Variants in POU6F1 observed in about 807,000 individuals in gnomAD.
POU6F1 encodes the protein POU domain, class 6, transcription factor 1.
In POU6F1, 9 loss-of-function variants were observed where a neutral mutation model predicts 28.9. The observed-to-expected ratio is 0.31, with a 90% CI of 0.19 to 0.54. POU6F1 has a LOEUF of 0.54. POU6F1 is among the 20% of genes least tolerant of loss of function. The pLI, the probability that POU6F1 is intolerant of heterozygous loss-of-function variation, is 0.94. For missense variants in POU6F1, 338 were observed against 426.1 expected (o/e 0.79, Z 1.82); for synonymous variants, 173 against 171.1 (o/e 1.01, Z -0.09).
rs1020574200 is a variant in POU6F1 at position 51,189,006 on chromosome 12, C to T, written c.*1241G>A. The T allele has an allele frequency of 6.6e-6, 1 of 152,140 alleles. No individual in the cohort carries two copies. Among genetic ancestry groups the T allele is most frequent in the Non-Finnish European group, 1.5e-5 (1 of 68,044 alleles). 9.4% of individuals were successfully genotyped at this position (152,140 alleles called of 1,614,324 possible). On this transcript the variant is annotated 3_prime_UTR_variant, in exon 11 of 11. Transcript: ENST00000333640. Reference sequence around the variant, plus strand: ...AACCCCCAAGGTACCATAGCTACCCCGTCTAGAAGCAAAACTCAATCTGAT... The same window carrying T: ...AACCCCCAAGGTACCATAGCTACCCTGTCTAGAAGCAAAACTCAATCTGAT...
intron 8 of POU6F1, among the ~76,000 whole-genome samples, chr12:51,194,302 C>T (rs980554885): frequency 2.6e-5 from 4 of 152,124 alleles, no homozygotes; most frequent in Non-Finnish European, 5.9e-5. Context: ...GCTGGGATTA[C>T]AGGCCTGAGC....
At chr12:51,213,265 C>T (rs757435898) in intron 1 of POU6F1, among the ~76,000 whole-genome samples, 1 of 151,466 alleles carries the variant, frequency 6.6e-6, no homozygotes, top group Admixed American at 6.6e-5. Flanking sequence ...GGTGCTTGTT[C>T]CCAGGGAGGC....
chr12:51,212,592 T>A (rs1163199800), intron 1 of POU6F1, among the ~76,000 whole-genome samples: 1 of 148,240 alleles, frequency 6.7e-6, no homozygotes, highest in Non-Finnish European at 1.5e-5. Flanking sequence ...ACCAGTCTGA[T>A]CAACATGGAG....
At chr12:51,198,165 C>A in intron 5 of POU6F1, 142 bp from the exon 6 acceptor site, 1 of 397,848 alleles carries the variant, frequency 2.5e-6, no homozygotes, top group Non-Finnish European at 4.4e-6. Flanking sequence ...TTCCCTTGAT[C>A]CTTGAAGGGC....
At chr12:51,204,879 T>C (rs1943471236) in intron 2 of POU6F1, among the ~76,000 whole-genome samples, 1 of 152,110 alleles carries the variant, frequency 6.6e-6, no homozygotes, top group East Asian at 1.9e-4. Context: ...TGCTCCACAA[T>C]GCTGAGTAAC....
At chr12:51,205,643 C>G (rs1943545685) in intron 2 of POU6F1, among the ~76,000 whole-genome samples, 1 of 152,192 alleles carries the variant, frequency 6.6e-6, no homozygotes, top group Non-Finnish European at 1.5e-5. Context: ...ACTCTTTGAG[C>G]CTGAAAGTGG....
chr12:51,202,135 A>ACC (rs1277785969), intron 3 of POU6F1: 2 of 152,108 alleles, frequency 1.3e-5, no homozygotes, highest in Non-Finnish European at 2.9e-5. Context: ...TGCTGGGATT[A>ACC]CAGTCGTGAG....
chr12:51,191,575 G>C (rs772670549), intron 10 of POU6F1, 21 bp downstream of exon 10: 2 of 1,610,396 alleles, frequency 1.2e-6, no homozygotes, highest in Non-Finnish European at 1.7e-6. Context: ...CCCTAATCCT[G>C]TCTAGGGCAG....
intron 1 of POU6F1, among the ~76,000 whole-genome samples, chr12:51,215,648 G>A (rs1366911108): frequency 6.6e-6 from 1 of 150,854 alleles, no homozygotes; most frequent in Non-Finnish European, 1.5e-5. Flanking sequence ...TAAAGCGCCC[G>A]TCTAATTTCT....
intron 2 of POU6F1, among the ~76,000 whole-genome samples, chr12:51,205,597 G>A (rs1943542084): frequency 1.3e-5 from 2 of 152,218 alleles, no homozygotes; most frequent in Non-Finnish European, 2.9e-5. Flanking sequence ...AGGCCTCTGT[G>A]CATTTGGCCT....
intron 2 of POU6F1, among the ~76,000 whole-genome samples, chr12:51,204,947 C>T (rs1014230709): frequency 2.0e-5 from 3 of 152,088 alleles, no homozygotes; most frequent in Non-Finnish European, 4.4e-5. Flanking sequence ...TCAGGATTTC[C>T]CTGCAAGCTA....
At position 51,217,920 on chromosome 12, in the gene POU6F1, G is replaced by A. The variant is rs1944373895; in HGVS notation, c.-326C>T. On this transcript the variant is annotated 5_prime_UTR_variant, in exon 1 of 11. Transcript: ENST00000333640. The surrounding 1 kb of genome is among the most constrained non-coding windows in gnomAD (Gnocchi z 5.3). ...GAGGGGACGGCCGGGAAGCGGGAAG[G>A]GGAAGCCGGGTGGGGGGGCGGTCAG... Among the ~76,000 whole-genome samples the A allele has an allele frequency of 6.6e-6, 1 of 151,964 alleles. No individual in the cohort carries two copies. Among genetic ancestry groups the A allele is most frequent in the African/African-American group, 2.4e-5 (1 of 41,422 alleles).
chr12:51,201,239 T>C (rs1196405103), intron 3 of POU6F1, among the ~76,000 whole-genome samples: 1 of 152,144 alleles, frequency 6.6e-6, no homozygotes, highest in Admixed American at 6.5e-5. Flanking sequence ...GACTATACTG[T>C]TCACAGCATG....
Position 51,217,414 on chromosome 12 carries a change from G to A in POU6F1, c.-48+228C>T, listed in dbSNP as rs1037344500. Reference sequence around the variant, plus strand: ...CGGGCGGGCGAGGGCGCGGCCCCCGGGTGTCTAGCCCCAGCTGGGCAACCG... The same window carrying A: ...CGGGCGGGCGAGGGCGCGGCCCCCGAGTGTCTAGCCCCAGCTGGGCAACCG... On this transcript the variant is annotated intron_variant, in intron 1 of 10. Transcript: ENST00000333640. The surrounding 1 kb of genome is among the most constrained non-coding windows in gnomAD (Gnocchi z 5.3). 2.6e-5 allele frequency among the ~76,000 whole-genome samples: 4 copies of A among 151,996 alleles called. No individual in the cohort carries two copies. The highest frequency in any genetic ancestry group is 9.7e-5 in the African/African-American group (4 of 41,416).
chr12:51,195,854 C>T (rs1048412593), intron 8 of POU6F1, 116 bp downstream of exon 8: 30 of 1,188,886 alleles, frequency 2.5e-5, no homozygotes, highest in Middle Eastern at 2.9e-4. Context: ...CTTTAGGAAG[C>T]GCCCTGCACT....
chr12:51,193,766 G>A (rs963953146), intron 8 of POU6F1, among the ~76,000 whole-genome samples: 1 of 152,050 alleles, frequency 6.6e-6, no homozygotes, highest in East Asian at 1.9e-4. Context: ...TAGAATTTTT[G>A]TAAAAACCAC....
chr12:51,213,269 G>A (rs892733594), intron 1 of POU6F1, among the ~76,000 whole-genome samples: 1 of 151,966 alleles, frequency 6.6e-6, no homozygotes, highest in South Asian at 2.1e-4. Flanking sequence ...CTTGTTCCCA[G>A]GGAGGCCTGT....
At chr12:51,200,216 C>T (rs989173982) in intron 3 of POU6F1, among the ~76,000 whole-genome samples, 2 of 152,284 alleles carry the variant, frequency 1.3e-5, no homozygotes, top group South Asian at 2.1e-4. Context: ...CTGAAGCACA[C>T]GTGTGTCAGG....
Position 51,199,700 on chromosome 12 carries a change from C to T in POU6F1, c.366+47G>A. 1 of 399,160 alleles carries T rather than the reference C, an allele frequency of 2.5e-6. No homozygotes were observed. The highest frequency in any genetic ancestry group is 1.3e-4 in the South Asian group (1 of 7,856). The allele number at this position is 399,160 out of a possible 1,614,324, so 24.7% of individuals were successfully genotyped here. A position where few individuals can be genotyped will look rare whatever the true frequency, so the allele number is the denominator to read the frequency against. The stretch of plus-strand genomic sequence containing the variant: ...TCCCCATGCTGGCTGTCCCATGCCT[C>T]GCTCCTGCCCCCGGCCTTCTGTCCA... On this transcript the variant is annotated intron_variant, in intron 4 of 10. Coordinates refer to ENST00000333640, the MANE Select transcript of POU6F1 (RefSeq NM_001330422.2). The surrounding 1 kb of genome is among the most constrained non-coding windows in gnomAD (Gnocchi z 4.1).
Sources: allele counts gnomAD v4.1 joint callset (sites outside exome capture counted in the v4.1 genomes callset), GRCh38; gene constraint gnomAD v4.1.1; non-coding constraint Gnocchi (gnomAD v3.1); transcripts MANE v1.5; gene names NCBI Gene and HGNC (gene_info 2026-07-23, HGNC 2026-07-21).